Variants in ZNF804B observed in about 807,000 individuals in gnomAD.
The protein encoded by ZNF804B is zinc finger 804B.
ZNF804B carries 80 observed loss-of-function variants against 101.4 expected under a neutral mutation model. The ratio of observed to expected loss-of-function variants is 0.79; its 90% CI spans 0.66 to 0.95. The LOEUF (loss-of-function observed/expected upper bound fraction) is 0.95. Among genes scored for constraint, ZNF804B ranks in the 40% least tolerant of loss-of-function variants. ZNF804B has a pLI of 0.00. For missense variants in ZNF804B, 1,673 were observed against 1,561.9 expected, an observed-to-expected ratio of 1.07 and a Z score of -1.20; for synonymous variants, 622 against 558.8, an observed-to-expected ratio of 1.11 and a Z score of -1.59.
At chr7:89,282,215 A>AAAC (rs1554389107) in intron 2 of ZNF804B, among the ~76,000 whole-genome samples, 1 of 151,578 alleles carries the variant, frequency 6.6e-6, no homozygotes, top group Admixed American at 6.6e-5. Context: ...AAAAAAAAAA[A>AAAC]AAAATGTAAC....
At chr7:88,917,766 A>G (rs1487441487) in intron 1 of ZNF804B, among the ~76,000 whole-genome samples, 1 of 152,142 alleles carries the variant, frequency 6.6e-6, no homozygotes, top group Admixed American at 6.6e-5. Context: ...CATTGCCACA[A>G]TATTCTAGTG....
At chr7:88,845,524 G>T (rs1186915044) in intron 1 of ZNF804B, among the ~76,000 whole-genome samples, 1 of 151,574 alleles carries the variant, frequency 6.6e-6, no homozygotes, top group Non-Finnish European at 1.5e-5. Flanking sequence ...TGCATAAAAT[G>T]TTTCTGTTAT....
rs145233331 is a variant in ZNF804B at position 89,333,574 on chromosome 7, T to G, written c.592T>G (p.Leu198Val). Residue 198 changes from leucine (L) to valine (V), a missense_variant, in exon 4 of 4, where the codon TTG (leucine) becomes GTG (valine). Coordinates refer to ENST00000333190, the MANE Select transcript of ZNF804B (RefSeq NM_181646.5). ...RHQLQSDRRCLFGNQVLQTSS... is the reference protein window; with the variant it reads ...RHQLQSDRRCVFGNQVLQTSS... ...CCAATTACAATCAGACAGGCGTTGT[T>G]TGTTTGGAAATCAGGTACTGCAAAC... 158 of 1,613,620 alleles carry G rather than the reference T, an allele frequency of 9.8e-5. No individual in the cohort carries two copies. In the East Asian group the frequency reaches 2.8e-3, roughly 29 times the overall value.
chr7:89,258,997 A>G (rs7808793), intron 2 of ZNF804B, among the ~76,000 whole-genome samples: 18,543 of 151,752 alleles, frequency 0.12, 1,214 homozygotes, highest in Middle Eastern at 0.25. Flanking sequence ...TTGCTTTTTC[A>G]TTTCTAAAAA....
intron 1 of ZNF804B, among the ~76,000 whole-genome samples, chr7:89,184,352 A>G (rs1228755494): frequency 6.6e-6 from 1 of 152,204 alleles, no homozygotes; most frequent in Non-Finnish European, 1.5e-5. Flanking sequence ...TTCATCTTAT[A>G]GATTATGCAA....
At chr7:89,287,461 CA>C (rs1268140217) in intron 2 of ZNF804B, among the ~76,000 whole-genome samples, 1 of 151,942 alleles carries the variant, frequency 6.6e-6, no homozygotes, top group African/African-American at 2.4e-5. Flanking sequence ...GTTGTGGTGC[CA>C]AAAAATAAAG....
intron 1 of ZNF804B, among the ~76,000 whole-genome samples, chr7:88,929,122 A>T (rs1270843068): frequency 1.3e-5 from 2 of 151,990 alleles, no homozygotes; most frequent in East Asian, 3.9e-4. Context: ...TGGAGCTCCT[A>T]GATAAGCTCT....
chr7:89,096,556 G>A (rs574175056), intron 1 of ZNF804B, among the ~76,000 whole-genome samples: 1 of 152,246 alleles, frequency 6.6e-6, no homozygotes, highest in South Asian at 2.1e-4. Context: ...TCATATATTT[G>A]CAGTCATTGC....
intron 1 of ZNF804B, among the ~76,000 whole-genome samples, chr7:89,199,337 C>T (rs1788598175): frequency 6.6e-6 from 1 of 151,758 alleles, no homozygotes; most frequent in Non-Finnish European, 1.5e-5. Flanking sequence ...TCTACTCTAA[C>T]CTGCCAATTT....
At chr7:89,065,460 A>G (rs1352665985) in intron 1 of ZNF804B, among the ~76,000 whole-genome samples, 2 of 152,116 alleles carry the variant, frequency 1.3e-5, no homozygotes, top group Non-Finnish European at 2.9e-5. Flanking sequence ...TGATGATGCA[A>G]TAAAGCTTAG....
At chr7:88,899,924 AT>A (rs1792363179) in intron 1 of ZNF804B, among the ~76,000 whole-genome samples, 1 of 152,156 alleles carries the variant, frequency 6.6e-6, no homozygotes, top group Non-Finnish European at 1.5e-5. Context: ...TATGGATTTC[AT>A]ATGTAGGTTA....
At position 89,335,412 on chromosome 7, in the gene ZNF804B, G is replaced by A. The variant is rs1335394096; in HGVS notation, c.2430G>A (p.Leu810=). 6.2e-7 allele frequency: 1 copy of A among 1,613,664 alleles called. No homozygotes were observed. The highest frequency in any genetic ancestry group is 1.7e-5 in the Admixed American group (1 of 59,914). Reference sequence around the variant, plus strand: ...GTCACTGCAGAGAAAGACAAAAACTGGGCAAAAATCAACAACAATTTTCAG... The same window carrying A: ...GTCACTGCAGAGAAAGACAAAAACTAGGCAAAAATCAACAACAATTTTCAG... ...RYCHCRERQK[L]GKNQQQFSGL... is the part of the protein sequence containing the mutation. Residue 810 remains leucine, a synonymous_variant, in exon 4 of 4, where the codon CTG becomes CTA. Coordinates refer to ENST00000333190, the MANE Select transcript of ZNF804B (RefSeq NM_181646.5).
intron 2 of ZNF804B, among the ~76,000 whole-genome samples, chr7:89,220,254 T>C (rs191691206): frequency 8.9e-4 from 134 of 150,926 alleles, no homozygotes; most frequent in African/African-American, 3.0e-3. Context: ...GATATATGTA[T>C]ATAGTTGGCT....
intron 1 of ZNF804B, among the ~76,000 whole-genome samples, chr7:89,182,354 A>C (rs1584037339): frequency 6.6e-6 from 1 of 152,296 alleles, no homozygotes; most frequent in East Asian, 1.9e-4. Flanking sequence ...TCATAAAAAG[A>C]TATGTGACAA....
chr7:89,291,055 C>T (rs1161526028), intron 2 of ZNF804B, among the ~76,000 whole-genome samples: 1 of 152,170 alleles, frequency 6.6e-6, no homozygotes, highest in Non-Finnish European at 1.5e-5. Flanking sequence ...TATAGGTCTG[C>T]AAGAACCACA....
At chr7:89,196,690 C>A (rs1250854709) in intron 1 of ZNF804B, among the ~76,000 whole-genome samples, 3 of 152,022 alleles carry the variant, frequency 2.0e-5, no homozygotes, top group Non-Finnish European at 4.4e-5. Context: ...GAACAGACAA[C>A]CTACAAAATG....
At chr7:89,331,393 T>C (rs988761592) in intron 3 of ZNF804B, among the ~76,000 whole-genome samples, 2 of 151,736 alleles carry the variant, frequency 1.3e-5, no homozygotes, top group East Asian at 1.9e-4. Context: ...TCATATACTA[T>C]CTTAGAATGC....
intron 1 of ZNF804B, among the ~76,000 whole-genome samples, chr7:89,116,542 A>G (rs185792412): frequency 9.9e-5 from 15 of 152,206 alleles, no homozygotes; most frequent in African/African-American, 3.6e-4. Context: ...TTGAAATATA[A>G]TAAATCAATT....
intron 1 of ZNF804B, among the ~76,000 whole-genome samples, chr7:88,910,334 C>T (rs1000169415): frequency 2.6e-5 from 4 of 151,970 alleles, no homozygotes; most frequent in Admixed American, 6.6e-5. Context: ...CTGAAGCAAA[C>T]GTCTCCCAAT....
Sources: allele counts gnomAD v4.1 joint callset (sites outside exome capture counted in the v4.1 genomes callset), GRCh38; gene constraint gnomAD v4.1.1; transcripts MANE v1.5; gene names NCBI Gene and HGNC (gene_info 2026-07-23, HGNC 2026-07-21).